Variants in TENM3 observed in about 807,000 individuals in gnomAD.
TENM3 encodes teneurin-3.
A neutral mutation model predicts 255.1 loss-of-function variants in TENM3; 63 were observed. That is an observed-to-expected ratio of 0.25 (90% CI 0.20 to 0.30). The LOEUF is 0.30. Ranked by LOEUF, TENM3 falls within the 10% of genes least tolerant of loss-of-function variation. The pLI, the probability that TENM3 is intolerant of heterozygous loss-of-function variation, is 1.00. For synonymous variants in TENM3, 1,306 were observed against 1,322.3 expected (o/e 0.99, Z 0.27); for missense variants, 2,929 against 3,461.1 (o/e 0.85, Z 3.86).
chr4:182,681,139 A>T (rs535757698), intron 10 of TENM3, among the ~76,000 whole-genome samples: 2 of 152,240 alleles, frequency 1.3e-5, no homozygotes, highest in African/African-American at 2.4e-5. Context: ...GTATGACATC[A>T]TGGATGTGTT....
the TENM3 span, among the ~76,000 whole-genome samples, chr4:182,100,454 TATATATATATATACACACACACACACAC>T: frequency 9.9e-6 from 1 of 101,512 alleles, no homozygotes; most frequent in African/African-American, 3.6e-5. Context: ...AAAAAATATA[TATATATATATATACACACACACACACAC>T]ATATATATAT....
At chr4:181,943,139 T>C in the TENM3 span, among the ~76,000 whole-genome samples, 3 of 152,136 alleles carry the variant, frequency 2.0e-5, no homozygotes, top group African/African-American at 7.2e-5. Flanking sequence ...TATGCAGGCT[T>C]TTCTACCTCC....
the TENM3 span, among the ~76,000 whole-genome samples, chr4:181,605,592 A>AGAAAGAAAGAAAAAGAAAG: frequency 4.3e-5 from 5 of 116,044 alleles, 1 homozygote; most frequent in South Asian, 2.8e-4. Context: ...AAGGAAAGAA[A>AGAAAGAAAGAAAAAGAAAG]GAAAGAAAGA....
At chr4:181,893,280 C>G in the TENM3 span, among the ~76,000 whole-genome samples, 1 of 152,052 alleles carries the variant, frequency 6.6e-6, no homozygotes, top group African/African-American at 2.4e-5. Context: ...GGCAAAAATA[C>G]AGAACAAGTG....
the TENM3 span, among the ~76,000 whole-genome samples, chr4:181,886,475 C>T: frequency 9.2e-5 from 14 of 152,276 alleles, no homozygotes; most frequent in Middle Eastern, 3.4e-3. Flanking sequence ...TGGTTCAATA[C>T]ATGAAAATCA....
At chr4:181,923,077 T>A in the TENM3 span, among the ~76,000 whole-genome samples, 29 of 152,320 alleles carry the variant, frequency 1.9e-4, no homozygotes, top group East Asian at 5.6e-3. Context: ...AGTTCTAGTT[T>A]GATTGCACTG....
the TENM3 span, among the ~76,000 whole-genome samples, chr4:182,124,176 C>T: frequency 2.0e-5 from 3 of 152,206 alleles, no homozygotes; most frequent in Non-Finnish European, 2.9e-5. Flanking sequence ...CTCAGCCTCC[C>T]GAGTAGCTGG....
At position 182,429,952 on chromosome 4, in the gene TENM3, A is replaced by G. The variant is rs1197507749; in HGVS notation, c.511+83023A>G. 4.6e-5 allele frequency among the ~76,000 whole-genome samples: 7 copies of G among 152,224 alleles called. No individual in the cohort carries two copies. The East Asian group carries it at 5.8e-4, about 13-fold the overall frequency. On this transcript the variant is annotated intron_variant, in intron 3 of 27. Coordinates refer to ENST00000511685, the MANE Select transcript of TENM3 (RefSeq NM_001080477.4). ...ATTTTACAGACATATTTGAGGCTCA[A>G]AAAAGTTAGTTTTCTGAAAATTACA...
chr4:182,671,111 G>A lies in TENM3; in HGVS notation c.1112-1894G>A, dbSNP rs540239942. ...CAACCTTATCCCGCATCCCTCCCAC[G>A]ACAAACCCATTCAGTACCTCCTGAG... On this transcript the variant is annotated intron_variant, in intron 6 of 27. Coordinates refer to ENST00000511685, the MANE Select transcript of TENM3 (RefSeq NM_001080477.4). Among the ~76,000 whole-genome samples the A allele has an allele frequency of 9.5e-4, 145 of 152,098 alleles. 1 individual carries two copies. Among genetic ancestry groups the A allele is most frequent in the African/African-American group, 3.3e-3 (135 of 41,498 alleles).
the TENM3 span, among the ~76,000 whole-genome samples, chr4:181,449,574 A>G: frequency 1.7e-4 from 26 of 152,196 alleles, 1 homozygote. Context: ...ACCTGAGGTC[A>G]GGAGTTCGAG....
chr4:182,621,088 G>A (rs1581125433), intron 4 of TENM3, among the ~76,000 whole-genome samples: 1 of 152,114 alleles, frequency 6.6e-6, no homozygotes, highest in South Asian at 2.1e-4. Flanking sequence ...GGCTGAGGCA[G>A]GAGAATGGCG....
the TENM3 span, among the ~76,000 whole-genome samples, chr4:181,991,862 A>T: frequency 1.3e-5 from 2 of 152,126 alleles, no homozygotes; most frequent in Non-Finnish European, 2.9e-5. Context: ...TGGAAGCTGA[A>T]CCTAAGGAAA....
chr4:182,346,164 T>A (rs961638049), intron 2 of TENM3, among the ~76,000 whole-genome samples: 5 of 152,102 alleles, frequency 3.3e-5, no homozygotes, highest in Admixed American at 1.3e-4. Flanking sequence ...ATAAGAAGAA[T>A]GACCAAGCTC....
the TENM3 span, among the ~76,000 whole-genome samples, chr4:181,990,653 T>G: frequency 3.2e-4 from 49 of 152,228 alleles, no homozygotes; most frequent in Non-Finnish European, 6.6e-4. Context: ...GAATGTTGTG[T>G]AGTAATAAGC....
intron 12 of TENM3, among the ~76,000 whole-genome samples, chr4:182,713,770 C>T (rs966133354): frequency 7.2e-5 from 11 of 152,060 alleles, no homozygotes; most frequent in African/African-American, 2.7e-4. Flanking sequence ...TTTTCCACAC[C>T]GTACAATATA....
chr4:182,207,982 T>C (rs1283686953), intron 1 of TENM3, among the ~76,000 whole-genome samples: 1 of 152,218 alleles, frequency 6.6e-6, no homozygotes, highest in Non-Finnish European at 1.5e-5. Flanking sequence ...AGAATGTCCT[T>C]GAAGTCGTGT....
chr4:182,228,922 C>G (rs1046496596), intron 1 of TENM3, among the ~76,000 whole-genome samples: 1 of 152,094 alleles, frequency 6.6e-6, no homozygotes, highest in Non-Finnish European at 1.5e-5. Flanking sequence ...GTTTAGAAGC[C>G]TGAAGTTTTG....
chr4:182,359,848 G>T (rs1561362933), intron 3 of TENM3, among the ~76,000 whole-genome samples: 1 of 151,112 alleles, frequency 6.6e-6, no homozygotes, highest in East Asian at 2.0e-4. Flanking sequence ...GCTTTCTCTT[G>T]TGGGCATTTA....
the TENM3 span, among the ~76,000 whole-genome samples, chr4:181,896,959 A>T: frequency 6.6e-6 from 1 of 152,208 alleles, no homozygotes; most frequent in Admixed American, 6.5e-5. Context: ...TCTTCCTGGA[A>T]GTCATCTTTC....
Sources: gnomAD v4.1 joint callset for allele counts (sites outside exome capture counted in the v4.1 genomes callset) on GRCh38, gnomAD v4.1.1 for gene constraint, MANE v1.5 for transcripts, NCBI Gene and HGNC (gene_info 2026-07-23, HGNC 2026-07-21) for gene names.